Variants in PCDHA10 observed in about 807,000 individuals in gnomAD.
The protein encoded by PCDHA10 is protocadherin alpha-10.
A neutral mutation model predicts 61.2 loss-of-function variants in PCDHA10; 45 were observed. The ratio of observed to expected loss-of-function variants is 0.74; its 90% CI spans 0.58 to 0.94. The LOEUF (loss-of-function observed/expected upper bound fraction) is 0.94. Among genes scored for constraint, PCDHA10 ranks in the 40% least tolerant of loss-of-function variants. The pLI, the probability that PCDHA10 is intolerant of heterozygous loss-of-function variation, is 0.00. For synonymous variants in PCDHA10, 602 were observed against 548.8 expected, an observed-to-expected ratio of 1.10 and a Z score of -1.35; for missense variants, 1,278 against 1,236.2, an observed-to-expected ratio of 1.03 and a Z score of -0.51.
chr5:140,882,813 C>T lies in PCDHA10; in HGVS notation c.2388+24377C>T, dbSNP rs782169035. On this transcript the variant is annotated intron_variant, in intron 1 of 3. Transcript: ENST00000307360. ...CCCAACGATTATTTCACTTTGGACG[C>T]ACAAAACAGTCTTGAGCAAATGTCT... 4 of 1,614,176 alleles carry T rather than the reference C, an allele frequency of 2.5e-6. No individual in the cohort carries two copies. The East Asian group carries it at 6.7e-5, about 27-fold the overall frequency.
At chr5:140,957,130 A>C in intron 1 of PCDHA10, among the ~76,000 whole-genome samples, 1 of 152,188 alleles carries the variant, frequency 6.6e-6, no homozygotes, top group Middle Eastern at 3.2e-3. Flanking sequence ...TCTTTACTAC[A>C]CTATGAACTA....
Position 140,857,478 on chromosome 5 carries a change from C to G in PCDHA10, c.1430C>G (p.Ser477Cys), listed in dbSNP as rs782202072. ...CCAGGCTGCCACATCTTCACGGTGT[C>G]TGCGTGGGACGCGGACGCGCAGGAG... is the stretch of plus-strand genomic sequence containing the variant. ...NPPGCHIFTVSAWDADAQENA... is the reference protein window; with the variant it reads ...NPPGCHIFTVCAWDADAQENA... The change falls in exon 1 of 4, where the codon TCT becomes TGT. Residue 477 changes from serine (S) to cysteine (C), a missense_variant. Ser to Cys is a moderately radical substitution (Grantham distance 112). Transcript: ENST00000307360. 1 of 1,598,590 alleles carries G rather than the reference C, an allele frequency of 6.3e-7. No individual in the cohort carries two copies. Among genetic ancestry groups the G allele is most frequent in the Non-Finnish European group, 8.6e-7 (1 of 1,167,904 alleles).
chr5:140,868,792 C>A, intron 1 of PCDHA10: 1 of 326,784 alleles, frequency 3.1e-6, no homozygotes, highest in South Asian at 7.0e-5. Context: ...TCTGAATATT[C>A]CATAAATAAG....
intron 1 of PCDHA10, chr5:140,860,808 G>GCTCA (rs2153220670): frequency 6.6e-6 from 1 of 152,328 alleles, no homozygotes. Context: ...CACGATCTCG[G>GCTCA]CTCACTGCAA....
chr5:140,988,038 T>C (rs1045669411), intron 3 of PCDHA10, among the ~76,000 whole-genome samples: 1 of 152,212 alleles, frequency 6.6e-6, no homozygotes, highest in African/African-American at 2.4e-5. Flanking sequence ...TTTTAGAATC[T>C]GTTTAGGAGC....
intron 1 of PCDHA10, among the ~76,000 whole-genome samples, chr5:140,880,237 T>C (rs2058279701): frequency 6.6e-6 from 1 of 152,148 alleles, no homozygotes; most frequent in Non-Finnish European, 1.5e-5. Flanking sequence ...AATTAGTGTA[T>C]GTGCGTGTGT....
Position 140,856,374 on chromosome 5 carries a change from T to A in PCDHA10, c.326T>A (p.Val109Glu), listed in dbSNP as rs568319142. The change falls in exon 1 of 4, where the codon GTG becomes GAG. Residue 109 changes from valine (V) to glutamate (E), a missense_variant. Physicochemically the swap from Val to Glu is moderately radical, Grantham distance 121 (BLOSUM62 -2). Transcript: ENST00000307360. ...VECSIHLEVIVDRPLQVFHVD... is the reference protein window; with the variant it reads ...VECSIHLEVIEDRPLQVFHVD... ...TGCAGCATCCACCTGGAGGTGATCG[T>A]GGACAGGCCGCTGCAGGTTTTCCAT... 1.3e-6 allele frequency: 2 copies of A among 1,598,376 alleles called. No individual in the cohort carries two copies. The highest frequency in any genetic ancestry group is 3.3e-4 in the Middle Eastern group (2 of 5,998).
At chr5:140,959,602 CT>C (rs1554224184) in intron 1 of PCDHA10, among the ~76,000 whole-genome samples, 1 of 152,008 alleles carries the variant, frequency 6.6e-6, no homozygotes, top group Admixed American at 6.6e-5. Flanking sequence ...GTATAACATG[CT>C]TTTCTTGCTT....
chr5:140,966,644 G>A, intron 1 of PCDHA10: 1 of 1,127,128 alleles, frequency 8.9e-7, no homozygotes, highest in Non-Finnish European at 1.2e-6. Context: ...GCTTTCTAGA[G>A]CGTGAGCGGT....
chr5:140,982,795 A>ATGTG (rs60616196), intron 3 of PCDHA10, among the ~76,000 whole-genome samples: 1 of 151,628 alleles, frequency 6.6e-6, no homozygotes, highest in African/African-American at 2.4e-5. Context: ...GCATGTGTGC[A>ATGTG]TGTGTGTGTG....
intron 1 of PCDHA10, among the ~76,000 whole-genome samples, chr5:140,946,255 A>C (rs1554217419): frequency 6.6e-6 from 1 of 152,084 alleles, no homozygotes; most frequent in Non-Finnish European, 1.5e-5. Context: ...GAATCATCAG[A>C]AAAATGCGAA....
At chr5:140,973,062 G>GTC (rs1554234872) in intron 1 of PCDHA10, among the ~76,000 whole-genome samples, 1 of 152,138 alleles carries the variant, frequency 6.6e-6, no homozygotes, top group African/African-American at 2.4e-5. Context: ...GTCCAACAGT[G>GTC]TCTCAGTGGG....
At chr5:140,884,391 C>G in intron 1 of PCDHA10, 1 of 1,613,982 alleles carries the variant, frequency 6.2e-7, no homozygotes, top group Non-Finnish European at 8.5e-7. Flanking sequence ...TGCGCGGTGT[C>G]CAGCCTGTTG....
chr5:140,883,484 T>C, intron 1 of PCDHA10: 1 of 1,614,066 alleles, frequency 6.2e-7, no homozygotes, highest in Non-Finnish European at 8.5e-7. Flanking sequence ...GAACTACTAC[T>C]CATTAGTGCT....
chr5:141,004,745 A>C (rs1282005519), intron 3 of PCDHA10, among the ~76,000 whole-genome samples: 2 of 152,158 alleles, frequency 1.3e-5, no homozygotes, highest in Non-Finnish European at 2.9e-5. Flanking sequence ...CTTTTGTCTC[A>C]GTCTCTTAGA....
chr5:140,856,734 T>C lies in PCDHA10; in HGVS notation c.686T>C (p.Ile229Thr). The C allele has an allele frequency of 6.3e-7, 1 of 1,596,648 alleles. No homozygotes were observed. ...TTTACCGGATCTGTTTCTCTGCTGA[T>C]CCTGGTGTTAGATGCCAATGATAAC... ...PEFTGSVSLL[I>T]LVLDANDNAP... The change falls in exon 1 of 4, where the codon ATC (isoleucine) becomes ACC (threonine). Residue 229 changes from isoleucine to threonine, a missense_variant. Physicochemically the swap from Ile to Thr is moderately conservative, Grantham distance 89. Transcript: ENST00000307360.
chr5:140,868,927 A>T, intron 1 of PCDHA10: 3 of 1,057,856 alleles, frequency 2.8e-6, no homozygotes, highest in Non-Finnish European at 4.0e-6. Flanking sequence ...AAGTTCATTT[A>T]AAGGTTGGTC....
At chr5:140,968,152 C>A (rs782362724) in intron 1 of PCDHA10, 6 of 1,614,054 alleles carry the variant, frequency 3.7e-6, no homozygotes, top group Non-Finnish European at 1.7e-6. Flanking sequence ...TCTCTGACAT[C>A]AATGACAATC....
At chr5:140,991,228 T>C (rs2097439456) in intron 3 of PCDHA10, among the ~76,000 whole-genome samples, 1 of 152,220 alleles carries the variant, frequency 6.6e-6, no homozygotes, top group African/African-American at 2.4e-5. Flanking sequence ...CATTAATAAA[T>C]GCAGTGGTAA....
Sources: gnomAD v4.1 joint callset for allele counts (sites outside exome capture counted in the v4.1 genomes callset) on GRCh38, gnomAD v4.1.1 for gene constraint, MANE v1.5 for transcripts, NCBI Gene and HGNC (gene_info 2026-07-23, HGNC 2026-07-21) for gene names.